CDH23: variants seen among roughly 807,000 people sequenced by gnomAD.
CDH23 encodes cadherin-23.
In CDH23, 189 loss-of-function variants were observed where a neutral mutation model predicts 317.1. The ratio of observed to expected loss-of-function variants is 0.60; its 90% confidence interval spans 0.53 to 0.67. The LOEUF (loss-of-function observed/expected upper bound fraction) is 0.67. Ranked by LOEUF, CDH23 falls within the 30% of genes least tolerant of loss-of-function variation. CDH23 has a pLI of 0.00. For missense variants in CDH23, 4,401 were observed against 4,592.4 expected (o/e 0.96, Z 1.20); for synonymous variants, 1,839 against 1,876.8 (o/e 0.98, Z 0.52).
In CDH23 at chr10:71,607,907, C is replaced by A. The variant is rs529468174; in HGVS notation, c.833-7597C>A. Among the ~76,000 whole-genome samples, 10 of 152,202 alleles carry A rather than the reference C, an allele frequency of 6.6e-5. No homozygotes were observed. The South Asian group carries it at 1.9e-3, about 28-fold the overall frequency. ...GATAGAACAAAACTCTGTCTCAAAACAAAAGGAAAGAAAATAAAAGAAAAC... is the reference window on the plus strand; with the variant it reads ...GATAGAACAAAACTCTGTCTCAAAAAAAAAGGAAAGAAAATAAAAGAAAAC... On this transcript the variant is annotated intron_variant, in intron 9 of 69. Transcript: ENST00000224721.
chr10:71,436,192 A>G (rs1394965765), intron 1 of CDH23, among the ~76,000 whole-genome samples: 1 of 152,228 alleles, frequency 6.6e-6, no homozygotes, highest in Non-Finnish European at 1.5e-5. Context: ...GTCCCTGCCA[A>G]TCCTGCAGAA....
At chr10:71,771,137 A>G (rs907682536) in intron 38 of CDH23, among the ~76,000 whole-genome samples, 1 of 152,200 alleles carries the variant, frequency 6.6e-6, no homozygotes, top group Non-Finnish European at 1.5e-5. Flanking sequence ...CTGTGAGGAC[A>G]GGGCAAGGAC....
intron 1 of CDH23, among the ~76,000 whole-genome samples, chr10:71,428,573 G>A (rs543766418): frequency 6.6e-6 from 1 of 151,550 alleles, no homozygotes; most frequent in Non-Finnish European, 1.5e-5. Flanking sequence ...GGGCTTATTG[G>A]CCATTTGTAT....
At chr10:71,644,415 T>A (rs1020957038) in intron 12 of CDH23, among the ~76,000 whole-genome samples, 1 of 152,246 alleles carries the variant, frequency 6.6e-6, no homozygotes, top group African/African-American at 2.4e-5. Flanking sequence ...TGGGTAAACG[T>A]TAGCATGCAT....
At chr10:71,639,531 G>A (rs1385882082) in intron 11 of CDH23, among the ~76,000 whole-genome samples, 1 of 152,232 alleles carries the variant, frequency 6.6e-6, no homozygotes. Context: ...GCGTTCTGTA[G>A]TGGGAAGGCC....
intron 3 of CDH23, among the ~76,000 whole-genome samples, chr10:71,461,068 G>A (rs773670687): frequency 1.3e-5 from 2 of 152,212 alleles, no homozygotes; most frequent in Admixed American, 6.5e-5. Context: ...AAAGCCCCTC[G>A]TGGGGACCTG....
chr10:71,505,411 G>A (rs1281070463), intron 3 of CDH23, among the ~76,000 whole-genome samples: 1 of 152,176 alleles, frequency 6.6e-6, no homozygotes, highest in African/African-American at 2.4e-5. Flanking sequence ...GATGATGATA[G>A]CTAACATTTT....
chr10:71,402,343 T>C (rs1232197495), intron 1 of CDH23, among the ~76,000 whole-genome samples: 1 of 152,230 alleles, frequency 6.6e-6, no homozygotes, highest in African/African-American at 2.4e-5. Flanking sequence ...GTTATTATTA[T>C]GATCATAATG....
intron 55 of CDH23, among the ~76,000 whole-genome samples, chr10:71,803,980 G>A (rs1418256715): frequency 6.0e-5 from 3 of 50,104 alleles, no homozygotes; most frequent in Non-Finnish European, 1.1e-4. Context: ...GTGAGACTTT[G>A]TCAAAAAAAA....
chr10:71,444,711 G>A lies in CDH23; in HGVS notation c.68-1607G>A, dbSNP rs991458605. ...TCCCAACTAGGAGGCATCTTGGGTT[G>A]GAGGAGGAAGTGCCATACCCAGATG... On this transcript the variant is annotated intron_variant, in intron 2 of 69. Transcript: ENST00000224721. Among the ~76,000 whole-genome samples, 8 of 152,322 alleles carry A rather than the reference G, an allele frequency of 5.3e-5. No individual in the cohort carries two copies. The East Asian group carries it at 1.5e-3, about 29-fold the overall frequency.
chr10:71,602,002 C>T (rs574866199), intron 9 of CDH23, among the ~76,000 whole-genome samples: 5 of 151,142 alleles, frequency 3.3e-5, no homozygotes, highest in Admixed American at 6.6e-5. Context: ...CCCTCAAGGT[C>T]GGTCATTCGG....
At chr10:71,399,596 G>A (rs940655532) in intron 1 of CDH23, among the ~76,000 whole-genome samples, 1 of 152,130 alleles carries the variant, frequency 6.6e-6, no homozygotes, top group Admixed American at 6.5e-5. Flanking sequence ...TCAGCTTTGT[G>A]TGCAGTCAAA....
At chr10:71,615,390 G>A (rs1490056735) in intron 9 of CDH23, 114 bp from the exon 10 acceptor site, 3 of 725,720 alleles carry the variant, frequency 4.1e-6, no homozygotes, top group Non-Finnish European at 7.5e-6. Context: ...AGTAACTGAT[G>A]AGTCTTTAAT....
chr10:71,544,839 C>T (rs936309244), intron 6 of CDH23, among the ~76,000 whole-genome samples: 1 of 152,238 alleles, frequency 6.6e-6, no homozygotes, highest in Non-Finnish European at 1.5e-5. Flanking sequence ...GACTTCTCCG[C>T]CAGTCAGGAG....
rs1033915745 is a variant in CDH23 at position 71,585,118 on chromosome 10, G to A, written c.832+7126G>A. Among the ~76,000 whole-genome samples the A allele has an allele frequency of 4.6e-5, 7 of 152,124 alleles. No homozygotes were observed. The South Asian group carries it at 1.0e-3, about 23-fold the overall frequency. On this transcript the variant is annotated intron_variant, in intron 9 of 69. Coordinates refer to ENST00000224721, the MANE Select transcript of CDH23 (RefSeq NM_022124.6). ...TGTGGCTCTAATCTGTCCTTGCCGCGGGGAGGTCTGGGGGTCATTGTGGTG... is the reference window on the plus strand; with the variant it reads ...TGTGGCTCTAATCTGTCCTTGCCGCAGGGAGGTCTGGGGGTCATTGTGGTG...
intron 30 of CDH23, among the ~76,000 whole-genome samples, chr10:71,729,395 G>A (rs1186513626): frequency 1.3e-5 from 2 of 152,202 alleles, no homozygotes; most frequent in African/African-American, 4.8e-5. Context: ...GTCATGGAGG[G>A]AGCTAGGCCT....
intron 3 of CDH23, among the ~76,000 whole-genome samples, chr10:71,461,180 G>A (rs1850964024): frequency 6.6e-6 from 1 of 152,250 alleles, no homozygotes; most frequent in African/African-American, 2.4e-5. Flanking sequence ...GGGACCATCA[G>A]GAGACAGGGA....
chr10:71,813,477 T>G (rs546632523), intron 69 of CDH23, 129 bp downstream of exon 69: 8 of 805,160 alleles, frequency 9.9e-6, no homozygotes, highest in Admixed American at 2.1e-5. Context: ...CAGCAATGGG[T>G]GGGGGCCAGG....
chr10:71,520,284 CAA>C (rs1854594017), intron 6 of CDH23, among the ~76,000 whole-genome samples: 2 of 152,146 alleles, frequency 1.3e-5, no homozygotes, highest in African/African-American at 4.8e-5. Context: ...AAACATAAAA[CAA>C]AGACATGGCA....
Sources: allele counts gnomAD v4.1 joint callset (sites outside exome capture counted in the v4.1 genomes callset), GRCh38; gene constraint gnomAD v4.1.1; transcripts MANE v1.5; gene names NCBI Gene and HGNC (gene_info 2026-07-23, HGNC 2026-07-21).